Variants in RET observed in about 807,000 individuals in gnomAD.
The protein encoded by RET is proto-oncogene tyrosine-protein kinase receptor Ret.
A neutral mutation model predicts 118.3 loss-of-function variants in RET; 19 were observed. The ratio of observed to expected loss-of-function variants is 0.16; its 90% confidence interval spans 0.11 to 0.24. The LOEUF (loss-of-function observed/expected upper bound fraction) is 0.24, where lower values mean the gene tolerates loss of function less well. RET is among the 10% of genes least tolerant of loss of function. The probability of loss-of-function intolerance (pLI) is 1.00; values close to 1 mark genes in which losing one functional copy is unlikely to be tolerated. For missense variants in RET, 1,219 were observed against 1,502.1 expected (o/e 0.81, Z 3.12); for synonymous variants, 597 against 644.1 (o/e 0.93, Z 1.11).
intron 3 of RET, among the ~76,000 whole-genome samples, chr10:43,103,135 C>G (rs1263750129): frequency 1.3e-5 from 2 of 152,122 alleles, no homozygotes; most frequent in Non-Finnish European, 2.9e-5. Context: ...AGAGCTGAGG[C>G]TGATGGGGCA....
intron 1 of RET, among the ~76,000 whole-genome samples, chr10:43,091,822 C>CAA (rs60545334): frequency 6.1e-5 from 7 of 114,604 alleles, no homozygotes; most frequent in South Asian, 2.9e-4. Flanking sequence ...TGTCTACTAT[C>CAA]AAAAAAAAAA....
chr10:43,082,207 A>G (rs1837200476), intron 1 of RET, among the ~76,000 whole-genome samples: 1 of 152,180 alleles, frequency 6.6e-6, no homozygotes, highest in Non-Finnish European at 1.5e-5. Context: ...TTGTTCCCAC[A>G]GCTCCTCCTG....
At chr10:43,079,619 T>C (rs1432927912) in intron 1 of RET, among the ~76,000 whole-genome samples, 2 of 152,144 alleles carry the variant, frequency 1.3e-5, no homozygotes, top group African/African-American at 4.8e-5. Flanking sequence ...GCCTCTTGTC[T>C]CTTGTCTTCC....
intron 17 of RET, among the ~76,000 whole-genome samples, chr10:43,124,394 G>A (rs1838285388): frequency 6.6e-6 from 1 of 152,152 alleles, no homozygotes; most frequent in African/African-American, 2.4e-5. Context: ...GCCAGCTGGA[G>A]CGCTGTGGTC....
intron 16 of RET, among the ~76,000 whole-genome samples, chr10:43,122,695 C>T (rs756026161): frequency 6.6e-6 from 1 of 152,198 alleles, no homozygotes; most frequent in Non-Finnish European, 1.5e-5. Flanking sequence ...GCAACCTCCA[C>T]CTCCTGGGTT....
intron 1 of RET, among the ~76,000 whole-genome samples, chr10:43,092,644 G>C (rs1837434623): frequency 6.6e-6 from 1 of 152,242 alleles, no homozygotes; most frequent in Non-Finnish European, 1.5e-5. Context: ...GAGGACCCAG[G>C]TTTGTGCAGC....
chr10:43,117,739 G>A (rs182355245), intron 12 of RET, among the ~76,000 whole-genome samples: 57 of 152,360 alleles, frequency 3.7e-4, no homozygotes, highest in African/African-American at 1.3e-3. Flanking sequence ...ACTCTCTGGG[G>A]AATCATGCTA....
rs2132770316 is a variant in RET, at chr10:43,111,333, A to G, written c.1390A>G (p.Ile464Val). The G allele has an allele frequency of 2.5e-6, 4 of 1,614,100 alleles. No homozygotes were observed. Among genetic ancestry groups the G allele is most frequent in the Non-Finnish European group, 3.4e-6 (4 of 1,180,042 alleles). The change falls in exon 7 of 20, where the codon ATC (isoleucine) becomes GTC (valine). Residue 464 changes from isoleucine (I) to valine (V), a missense_variant. Physicochemically the swap from Ile to Val is conservative, Grantham distance 29. Coordinates refer to ENST00000355710, the MANE Select transcript of RET (RefSeq NM_020975.6). The part of the protein sequence containing the change: ...VVTSAEDTSG[I>V]LFVNDTKALR... The stretch of plus-strand genomic sequence containing the variant: ...CACCTCAGCCGAGGACACCTCGGGG[A>G]TCCTGTTTGTGAATGACACCAAGGC...
At chr10:43,111,128 C>T (rs558445271) in intron 6 of RET, 79 bp from the exon 7 acceptor site, 4 of 1,594,524 alleles carry the variant, frequency 2.5e-6, no homozygotes, top group East Asian at 4.5e-5. Flanking sequence ...AGGACTTAGG[C>T]TGTGTGGGAA....
In RET at chr10:43,128,721, T is replaced by C. The variant is rs1294894136; in HGVS notation, c.*452T>C. ...ACAAAAAAGGCAGTAGGAAAAATGCTGGCCCTGATGACCTGTCCTTATTCA... is the reference window on the plus strand; with the variant it reads ...ACAAAAAAGGCAGTAGGAAAAATGCCGGCCCTGATGACCTGTCCTTATTCA... On this transcript the variant is annotated 3_prime_UTR_variant, in exon 20 of 20. Transcript: ENST00000355710. 5 of 370,618 alleles carry C rather than the reference T, an allele frequency of 1.3e-5. No individual in the cohort carries two copies. The highest frequency in any genetic ancestry group is 2.1e-5 in the African/African-American group (1 of 48,742). The allele number at this position is 370,618 out of a possible 1,614,324, so 23.0% of individuals were successfully genotyped here.
intron 5 of RET, 48 bp from the exon 6 acceptor site, chr10:43,108,983 G>T: frequency 6.4e-7 from 1 of 1,556,942 alleles, no homozygotes. Flanking sequence ...TACACATGAG[G>T]AAGCAGCCAG....
At chr10:43,120,989 T>C (rs946222410) in intron 15 of RET, among the ~76,000 whole-genome samples, 1 of 152,040 alleles carries the variant, frequency 6.6e-6, no homozygotes, top group Admixed American at 6.6e-5. Context: ...TCAGCTTTGC[T>C]CTGAGGGGTC....
At chr10:43,081,711 A>G (rs776594694) in intron 1 of RET, among the ~76,000 whole-genome samples, 8 of 152,078 alleles carry the variant, frequency 5.3e-5, no homozygotes, top group Non-Finnish European at 1.0e-4. Context: ...GGGGTCCATG[A>G]CCCAGGCACT....
intron 1 of RET, among the ~76,000 whole-genome samples, chr10:43,090,795 TCCTGGCCCCCTGGGAC>T (rs1837394790): frequency 6.6e-6 from 1 of 150,484 alleles, no homozygotes; most frequent in Non-Finnish European, 1.5e-5. Flanking sequence ...CTCTGCAGGC[TCCTGGCCCCCTGGGAC>T]CCTGGCACCG....
chr10:43,119,079 G>A (rs576126280), intron 13 of RET, among the ~76,000 whole-genome samples: 22 of 152,348 alleles, frequency 1.4e-4, no homozygotes, highest in Admixed American at 9.1e-4. Flanking sequence ...AGTAGAGTTG[G>A]AGGCTGGGCC....
chr10:43,100,829 C>T (rs923960723), intron 2 of RET, 107 bp downstream of exon 2: 25 of 1,276,738 alleles, frequency 2.0e-5, no homozygotes, highest in Non-Finnish European at 2.5e-5. Flanking sequence ...TCCCCCCCAC[C>T]GCTGGTGTGG....
intron 1 of RET, among the ~76,000 whole-genome samples, chr10:43,081,491 C>T (rs1463026832): frequency 2.0e-5 from 3 of 152,204 alleles, no homozygotes; most frequent in East Asian, 1.9e-4. Flanking sequence ...TGGCAAGGGG[C>T]GGGGACTGGG....
In RET at chr10:43,129,396, C is replaced by G. The variant is rs1199849453; in HGVS notation, c.*1127C>G. 4.3e-6 allele frequency: 1 copy of G among 233,594 alleles called. No homozygotes were observed. The highest frequency in any genetic ancestry group is 2.2e-5 in the African/African-American group (1 of 45,324). 14.5% of individuals were successfully genotyped at this position (233,594 alleles called of 1,614,324 possible). On this transcript the variant is annotated 3_prime_UTR_variant, in exon 20 of 20. Coordinates refer to ENST00000355710, the MANE Select transcript of RET (RefSeq NM_020975.6). ...GCTCTTATAGAGCCTGTGTGAAAGGCCCATGGATCAGCTCTTCCTGTGTTT... is the reference window on the plus strand; with the variant it reads ...GCTCTTATAGAGCCTGTGTGAAAGGGCCATGGATCAGCTCTTCCTGTGTTT...
chr10:43,100,779 G>T lies in RET; in HGVS notation c.337+57G>T, dbSNP rs903259697. 5.1e-6 allele frequency: 7 copies of T among 1,373,558 alleles called. No individual in the cohort carries two copies. In the Admixed American group the frequency reaches 9.7e-5, roughly 19 times the overall value. The allele number at this position is 1,373,558 out of a possible 1,614,324, so 85.1% of individuals were successfully genotyped here. A position where few individuals can be genotyped will look rare whatever the true frequency, so the allele number is the denominator to read the frequency against. On this transcript the variant is annotated intron_variant, in intron 2 of 19. Coordinates refer to ENST00000355710, the MANE Select transcript of RET (RefSeq NM_020975.6). ...CCCCACCCCACCCCTTCCTCAAGCC[G>T]CCCTTATCACAGCCGCTGACACTGA... is the stretch of plus-strand genomic sequence containing the variant.
Sources: gnomAD v4.1 joint callset for allele counts (sites outside exome capture counted in the v4.1 genomes callset) on GRCh38, gnomAD v4.1.1 for gene constraint, MANE v1.5 for transcripts, NCBI Gene and HGNC (gene_info 2026-07-23, HGNC 2026-07-21) for gene names.